Variants in OLFM3 observed in about 807,000 individuals in gnomAD.
OLFM3 encodes olfactomedin 3, also known as noelin-3.
A neutral mutation model predicts 48.6 loss-of-function variants in OLFM3; 20 were observed. The observed-to-expected ratio is 0.41, with a 90% CI of 0.29 to 0.60. The LOEUF (loss-of-function observed/expected upper bound fraction) is 0.60. OLFM3 is among the 20% of genes least tolerant of loss of function. OLFM3 has a pLI of 0.28. For missense variants in OLFM3, 437 were observed against 544.3 expected (o/e 0.80, Z 1.96); for synonymous variants, 222 against 198.1 (o/e 1.12, Z -1.01).
At chr1:101,866,056 T>C (rs1314671337) in intron 1 of OLFM3, among the ~76,000 whole-genome samples, 1 of 152,156 alleles carries the variant, frequency 6.6e-6, no homozygotes, top group Non-Finnish European at 1.5e-5. Flanking sequence ...AAGGAATCTA[T>C]CAGTATGTAG....
chr1:101,830,862 C>T (rs1236390653), intron 2 of OLFM3, 35 bp from the exon 3 acceptor site: 1 of 1,593,366 alleles, frequency 6.3e-7, no homozygotes, highest in Non-Finnish European at 8.5e-7. Flanking sequence ...ACATTATTAT[C>T]TGTTTGCAGG....
At chr1:101,946,831 A>G (rs1192751275) in intron 1 of OLFM3, among the ~76,000 whole-genome samples, 1 of 152,220 alleles carries the variant, frequency 6.6e-6, no homozygotes, top group Non-Finnish European at 1.5e-5. Context: ...AGGATCGTAT[A>G]TTTTAAATAA....
intron 1 of OLFM3, among the ~76,000 whole-genome samples, chr1:101,996,140 T>G (rs1018091249): frequency 1.3e-5 from 2 of 152,166 alleles, no homozygotes; most frequent in African/African-American, 4.8e-5. Flanking sequence ...TAATCAGAAC[T>G]TCCTCAGTGC....
chr1:101,913,670 C>T (rs757702861), intron 1 of OLFM3, among the ~76,000 whole-genome samples: 2 of 136,612 alleles, frequency 1.5e-5, no homozygotes, highest in Admixed American at 1.5e-4. Context: ...AAACCTTAAT[C>T]CTAAAAGCCC....
chr1:101,921,200 T>TACACACACACACACACAC (rs142071103), intron 1 of OLFM3, among the ~76,000 whole-genome samples: 2 of 148,054 alleles, frequency 1.4e-5, no homozygotes, highest in Non-Finnish European at 1.5e-5. Flanking sequence ...TTTAAGTTTA[T>TACACACACACACACACAC]ACACACACAC....
At chr1:101,917,018 G>A (rs1177402741) in intron 1 of OLFM3, among the ~76,000 whole-genome samples, 2 of 152,060 alleles carry the variant, frequency 1.3e-5, no homozygotes, top group Non-Finnish European at 2.9e-5. Flanking sequence ...CCACAAACAG[G>A]AAAGCAGTAC....
At chr1:101,836,032 T>A (rs1163915829) in intron 2 of OLFM3, among the ~76,000 whole-genome samples, 1 of 152,240 alleles carries the variant, frequency 6.6e-6, no homozygotes, top group African/African-American at 2.4e-5. Context: ...GCCATAAATG[T>A]GTGGGTGATC....
chr1:101,932,477 G>A (rs549507999), intron 1 of OLFM3, among the ~76,000 whole-genome samples: 1 of 152,148 alleles, frequency 6.6e-6, no homozygotes, highest in African/African-American at 2.4e-5. Flanking sequence ...GAAGGGGGAG[G>A]AAGCTGGGAA....
intron 1 of OLFM3, among the ~76,000 whole-genome samples, chr1:101,908,441 G>A (rs1187759525): frequency 1.3e-5 from 2 of 152,202 alleles, no homozygotes. Flanking sequence ...TTGGAAAGGT[G>A]TAGACGGAAA....
chr1:101,865,047 C>T (rs977935751), intron 1 of OLFM3, among the ~76,000 whole-genome samples: 1 of 152,184 alleles, frequency 6.6e-6, no homozygotes, highest in Non-Finnish European at 1.5e-5. Flanking sequence ...TCCTTGGCTT[C>T]AATTTCTTGG....
intron 1 of OLFM3, among the ~76,000 whole-genome samples, chr1:101,944,960 C>T (rs1659910487): frequency 6.6e-6 from 1 of 151,900 alleles, no homozygotes; most frequent in Non-Finnish European, 1.5e-5. Flanking sequence ...TATTATTTGT[C>T]ATTGGGAAAC....
At chr1:101,937,929 C>A (rs919000171) in intron 1 of OLFM3, among the ~76,000 whole-genome samples, 1 of 152,118 alleles carries the variant, frequency 6.6e-6, no homozygotes, top group Non-Finnish European at 1.5e-5. Context: ...TTTCTGCCCA[C>A]TAGAATGTAA....
intron 5 of OLFM3, among the ~76,000 whole-genome samples, chr1:101,805,365 A>C (rs1653720312): frequency 6.6e-6 from 1 of 151,868 alleles, no homozygotes; most frequent in African/African-American, 2.4e-5. Context: ...GTACCATAGA[A>C]TCTTCTAGAA....
chr1:101,863,553 C>T (rs140278118), intron 1 of OLFM3, among the ~76,000 whole-genome samples: 1 of 152,252 alleles, frequency 6.6e-6, no homozygotes, highest in African/African-American at 2.4e-5. Flanking sequence ...TCTTACTAGA[C>T]TCAGTACAGA....
intron 1 of OLFM3, among the ~76,000 whole-genome samples, chr1:101,930,787 T>C (rs1659422510): frequency 6.6e-6 from 1 of 152,136 alleles, no homozygotes; most frequent in Non-Finnish European, 1.5e-5. Flanking sequence ...GCTAAGAACA[T>C]TTGAATAATT....
At chr1:101,851,471 C>T (rs1009509526) in intron 1 of OLFM3, among the ~76,000 whole-genome samples, 23 of 152,034 alleles carry the variant, frequency 1.5e-4, no homozygotes. Flanking sequence ...AACAATCAGG[C>T]CTAGAGAAGG....
At chr1:101,955,258 T>C (rs1171353068) in intron 1 of OLFM3, among the ~76,000 whole-genome samples, 1 of 151,990 alleles carries the variant, frequency 6.6e-6, no homozygotes, top group Non-Finnish European at 1.5e-5. Context: ...CCAGCTGGAA[T>C]TGGGAGACAG....
chr1:101,892,248 GA>G (rs34612324), intron 1 of OLFM3, among the ~76,000 whole-genome samples: 40,904 of 151,780 alleles, frequency 0.27, 5,703 homozygotes, highest in East Asian at 0.36. Context: ...TTCGGTATCA[GA>G]ATGACTAGAG....
At chr1:101,996,647 G>T in intron 1 of OLFM3, 101 bp downstream of exon 1, 1 of 1,193,956 alleles carries the variant, frequency 8.4e-7, no homozygotes, top group Non-Finnish European at 1.2e-6. Flanking sequence ...AGCTGAAAGA[G>T]CTGTCTCTCG....
Sources: gnomAD v4.1 joint callset for allele counts (sites outside exome capture counted in the v4.1 genomes callset) on GRCh38, gnomAD v4.1.1 for gene constraint, MANE v1.5 for transcripts, NCBI Gene and HGNC (gene_info 2026-07-23, HGNC 2026-07-21) for gene names.